Variants in PCSK2 observed in about 807,000 individuals in gnomAD.
PCSK2 encodes proprotein convertase subtilisin/kexin type 2.
A neutral mutation model predicts 69.7 loss-of-function variants in PCSK2; 14 were observed. That is an observed-to-expected ratio of 0.20 (90% CI 0.13 to 0.31). The LOEUF is 0.31. Ranked by LOEUF, PCSK2 falls within the 10% of genes least tolerant of loss-of-function variation. The probability of loss-of-function intolerance (pLI) is 1.00; values close to 1 mark genes in which losing one functional copy is unlikely to be tolerated. For synonymous variants in PCSK2, 307 were observed against 320.7 expected (o/e 0.96, Z 0.46); for missense variants, 544 against 842.5 (o/e 0.65, Z 4.39).
chr20:17,447,564 A>G (rs2032724780), intron 8 of PCSK2, among the ~76,000 whole-genome samples: 1 of 152,154 alleles, frequency 6.6e-6, no homozygotes, highest in Non-Finnish European at 1.5e-5. Flanking sequence ...AACAAACTTT[A>G]TCAAGAACAA....
intron 4 of PCSK2, among the ~76,000 whole-genome samples, chr20:17,367,973 A>G (rs1429055457): frequency 6.6e-6 from 1 of 152,222 alleles, no homozygotes; most frequent in East Asian, 1.9e-4. Context: ...AAGCAGCCAT[A>G]GTGACAGCAA....
At chr20:17,394,860 T>C (rs2031474298) in intron 5 of PCSK2, among the ~76,000 whole-genome samples, 2 of 152,254 alleles carry the variant, frequency 1.3e-5, no homozygotes, top group Admixed American at 6.5e-5. Context: ...TCCCAAATGC[T>C]GTCCAAGTTT....
intron 4 of PCSK2, among the ~76,000 whole-genome samples, chr20:17,365,593 G>A (rs2030562581): frequency 6.6e-6 from 1 of 152,144 alleles, no homozygotes; most frequent in South Asian, 2.1e-4. Flanking sequence ...TCAGAGATGG[G>A]TGAAACTCAA....
intron 5 of PCSK2, among the ~76,000 whole-genome samples, chr20:17,404,030 C>A (rs2031700837): frequency 6.6e-6 from 1 of 152,194 alleles, no homozygotes; most frequent in Admixed American, 6.5e-5. Context: ...TCTGGGTGGA[C>A]AAATGAGCAA....
At chr20:17,288,573 T>C (rs998519899) in intron 2 of PCSK2, among the ~76,000 whole-genome samples, 2 of 152,176 alleles carry the variant, frequency 1.3e-5, no homozygotes, top group African/African-American at 4.8e-5. Flanking sequence ...AATTAGACTG[T>C]AATTGGAGAT....
chr20:17,365,243 C>G (rs1014832779), intron 4 of PCSK2, among the ~76,000 whole-genome samples: 1 of 152,106 alleles, frequency 6.6e-6, no homozygotes, highest in Non-Finnish European at 1.5e-5. Context: ...CCTCCCCTGG[C>G]AGAAGGGGTA....
intron 9 of PCSK2, among the ~76,000 whole-genome samples, chr20:17,455,438 TA>T (rs1281729571): frequency 6.6e-6 from 1 of 152,180 alleles, no homozygotes; most frequent in African/African-American, 2.4e-5. Flanking sequence ...CCCCTCTAAA[TA>T]AGAGTTGTGG....
intron 4 of PCSK2, among the ~76,000 whole-genome samples, chr20:17,364,716 T>G (rs1194147131): frequency 2.6e-5 from 4 of 151,780 alleles, no homozygotes; most frequent in African/African-American, 9.7e-5. Context: ...AGCTTGAAGT[T>G]GCTATTTATC....
In PCSK2 at chr20:17,388,564, T is replaced by A. The variant is rs2031294545; in HGVS notation, c.543+19287T>A. On this transcript the variant is annotated intron_variant, in intron 5 of 11. Transcript: ENST00000262545. The stretch of plus-strand genomic sequence containing the variant: ...ATGATATCTGCAAAACATATATCTC[T>A]AAAAAAAGCAGACAAAAACACAATC... Among the ~76,000 whole-genome samples, 3 of 152,018 alleles carry A rather than the reference T, an allele frequency of 2.0e-5. No individual in the cohort carries two copies. In the South Asian group the frequency reaches 6.2e-4, roughly 32 times the overall value.
Position 17,429,913 on chromosome 20 carries a change from A to G in PCSK2, c.709+390A>G, listed in dbSNP as rs185473023. Among the ~76,000 whole-genome samples, 19 of 152,308 alleles carry G rather than the reference A, an allele frequency of 1.2e-4. No homozygotes were observed. In the East Asian group the frequency reaches 2.1e-3, roughly 17 times the overall value. ...AAAATGGTTATTGCCAGTTTTTGAA[A>G]TTTATATAAATAGAATTGTCAGTCA... On this transcript the variant is annotated intron_variant, in intron 7 of 11. Transcript: ENST00000262545.
intron 2 of PCSK2, among the ~76,000 whole-genome samples, chr20:17,333,093 C>T: frequency 6.6e-6 from 1 of 151,924 alleles, no homozygotes; most frequent in East Asian, 1.9e-4. Context: ...TGAACTGTGG[C>T]TATGTAAGAG....
At chr20:17,466,711 A>G (rs1427126181) in intron 11 of PCSK2, among the ~76,000 whole-genome samples, 1 of 152,228 alleles carries the variant, frequency 6.6e-6, no homozygotes, top group Non-Finnish European at 1.5e-5. Context: ...ACTTAAGTGT[A>G]TCATTTGAGT....
intron 6 of PCSK2, among the ~76,000 whole-genome samples, chr20:17,425,768 G>A (rs1429885562): frequency 6.6e-6 from 1 of 152,126 alleles, no homozygotes; most frequent in African/African-American, 2.4e-5. Flanking sequence ...TTCATCTTTG[G>A]CATAGGTTTC....
chr20:17,428,958 C>T (rs981090371), intron 6 of PCSK2, among the ~76,000 whole-genome samples: 1 of 127,114 alleles, frequency 7.9e-6, no homozygotes, highest in Non-Finnish European at 1.6e-5. Context: ...AAGATTGCAC[C>T]ACTGCATTCC....
chr20:17,323,399 C>A (rs900630523), intron 2 of PCSK2, among the ~76,000 whole-genome samples: 4 of 152,194 alleles, frequency 2.6e-5, no homozygotes, highest in African/African-American at 9.7e-5. Flanking sequence ...GGACTTCCAG[C>A]CTCCAGAACT....
At chr20:17,368,661 G>A (rs1266521689) in intron 4 of PCSK2, among the ~76,000 whole-genome samples, 1 of 152,114 alleles carries the variant, frequency 6.6e-6, no homozygotes, top group Non-Finnish European at 1.5e-5. Flanking sequence ...AACAAGACAG[G>A]CCACCATTCA....
intron 10 of PCSK2, among the ~76,000 whole-genome samples, chr20:17,461,309 G>A (rs1600598514): frequency 6.6e-6 from 1 of 151,970 alleles, no homozygotes; most frequent in East Asian, 1.9e-4. Context: ...TTCTCAGACT[G>A]GAAATAATCC....
chr20:17,418,165 G>A (rs1386413399), intron 6 of PCSK2, among the ~76,000 whole-genome samples: 1 of 152,186 alleles, frequency 6.6e-6, no homozygotes, highest in Non-Finnish European at 1.5e-5. Context: ...TCTGTGTTTT[G>A]CATGTATTCA....
In PCSK2 at chr20:17,471,557, ACAAGG is replaced by A. The variant is rs1471072377; in HGVS notation, c.1430+6005_1430+6009del. Among the ~76,000 whole-genome samples, 4 of 152,336 alleles carry A rather than the reference ACAAGG, an allele frequency of 2.6e-5. No individual in the cohort carries two copies. In the South Asian group the frequency reaches 6.2e-4, roughly 24 times the overall value. ...AATATTCAGCCAGCAGCAGCCGGACACAAGGGAAATGTCTGACTGCTGGCAATAGG... is the reference window on the plus strand; with the variant it reads ...AATATTCAGCCAGCAGCAGCCGGACAGAAATGTCTGACTGCTGGCAATAGG... On this transcript the variant is annotated intron_variant, in intron 11 of 11. Transcript: ENST00000262545.
Sources: gnomAD v4.1 joint callset for allele counts (sites outside exome capture counted in the v4.1 genomes callset) on GRCh38, gnomAD v4.1.1 for gene constraint, MANE v1.5 for transcripts, NCBI Gene and HGNC (gene_info 2026-07-23, HGNC 2026-07-21) for gene names.